Variants in BCAS3 observed in about 807,000 individuals in gnomAD.
BCAS3 encodes the protein BCAS4/BCAS3 fusion.
A neutral mutation model predicts 116.1 loss-of-function variants in BCAS3; 53 were observed. The observed-to-expected ratio is 0.46, with a 90% CI of 0.37 to 0.57. The LOEUF is 0.57. Ranked by LOEUF, BCAS3 falls within the 20% of genes least tolerant of loss-of-function variation. The pLI, the probability that BCAS3 is intolerant of heterozygous loss-of-function variation, is 0.00. For synonymous variants in BCAS3, 391 were observed against 408.2 expected (o/e 0.96, Z 0.51); for missense variants, 917 against 1,165.4 (o/e 0.79, Z 3.10).
rs573685382 is a variant in BCAS3 at position 61,177,734 on chromosome 17, A to C, written c.2425+93170A>C. ...AATTAAACTATCAAAATATATTCTCAAGGATGGAAGTTTATACCCTCATTC... is the reference window on the plus strand; with the variant it reads ...AATTAAACTATCAAAATATATTCTCCAGGATGGAAGTTTATACCCTCATTC... On this transcript the variant is annotated intron_variant, in intron 22 of 23. Transcript: ENST00000407086. 3.9e-5 allele frequency among the ~76,000 whole-genome samples: 6 copies of C among 152,296 alleles called. No individual in the cohort carries two copies. In the South Asian group the frequency reaches 1.2e-3, roughly 32 times the overall value.
chr17:60,936,374 A>C (rs1280856244), intron 13 of BCAS3, among the ~76,000 whole-genome samples: 1 of 152,018 alleles, frequency 6.6e-6, no homozygotes, highest in Non-Finnish European at 1.5e-5. Context: ...GTATATACCT[A>C]GTAATGGGAT....
chr17:60,678,768 A>C (rs1381095263), intron 1 of BCAS3, among the ~76,000 whole-genome samples: 1 of 152,214 alleles, frequency 6.6e-6, no homozygotes, highest in Non-Finnish European at 1.5e-5. Flanking sequence ...GTCTTGAAAT[A>C]TTGTACCATG....
chr17:60,920,414 A>G (rs532063678), intron 12 of BCAS3, among the ~76,000 whole-genome samples: 2 of 152,334 alleles, frequency 1.3e-5, no homozygotes, highest in African/African-American at 4.8e-5. Flanking sequence ...AAATAACCCC[A>G]TTAAAAATGG....
chr17:60,689,681 T>G lies in BCAS3; in HGVS notation c.139-5T>G. The G allele has an allele frequency of 6.3e-7, 1 of 1,582,868 alleles. No individual in the cohort carries two copies. Among genetic ancestry groups the G allele is most frequent in the Non-Finnish European group, 8.6e-7 (1 of 1,156,230 alleles). ...TTTATTCAAATGTTTCTGTTTACTA[T>G]GCAGGCTTACAGTGGAACACCTCTA... On this transcript the variant is annotated splice_polypyrimidine_tract_variant and splice_region_variant and intron_variant, in intron 3 of 23. Transcript: ENST00000407086.
In BCAS3 at chr17:61,391,763, G is replaced by T; in HGVS notation, c.2594-214G>T. 1.7e-6 allele frequency: 1 copy of T among 592,314 alleles called. No homozygotes were observed. The highest frequency in any genetic ancestry group is 2.0e-5 in the South Asian group (1 of 50,016). 36.7% of individuals were successfully genotyped at this position (592,314 alleles called of 1,614,324 possible). A position where few individuals can be genotyped will look rare whatever the true frequency, so the allele number is the denominator to read the frequency against. On this transcript the variant is annotated intron_variant, in intron 23 of 23. Transcript: ENST00000407086. The surrounding 1 kb of genome is among the most constrained non-coding windows in gnomAD (Gnocchi z 7.7). ...GCAGGGAGACGGTGCTCTCACACCA[G>T]AGTCTGCCAGCCAGGGGGCTTTCCC...
chr17:60,836,245 A>G (rs1054490760), intron 7 of BCAS3, among the ~76,000 whole-genome samples: 3 of 152,148 alleles, frequency 2.0e-5, no homozygotes, highest in African/African-American at 7.2e-5. Context: ...GGTGTTATAC[A>G]TTCTGTGGGG....
chr17:61,044,396 G>A (rs1331949980), intron 19 of BCAS3, among the ~76,000 whole-genome samples: 1 of 146,008 alleles, frequency 6.8e-6, no homozygotes, highest in South Asian at 2.1e-4. Flanking sequence ...ACAGTGAGCC[G>A]AGATTGCACC....
chr17:60,975,689 ACT>A (rs2062297544), intron 14 of BCAS3, among the ~76,000 whole-genome samples: 1 of 151,634 alleles, frequency 6.6e-6, no homozygotes, highest in South Asian at 2.1e-4. Flanking sequence ...TATCCAAGTC[ACT>A]CTCCATCCCC....
intron 7 of BCAS3, chr17:60,810,299 G>A (rs2048680754): frequency 6.7e-6 from 3 of 448,014 alleles, no homozygotes; most frequent in Admixed American, 2.7e-5. Flanking sequence ...TCTGGTTCCC[G>A]GATCTCCGTG....
chr17:60,715,691 T>C (rs541684723), intron 5 of BCAS3, among the ~76,000 whole-genome samples: 21 of 151,602 alleles, frequency 1.4e-4, no homozygotes, highest in African/African-American at 4.8e-4. Flanking sequence ...TTTCACCATA[T>C]TGGCCAGTCT....
chr17:61,008,672 G>A lies in BCAS3; in HGVS notation c.1487-7079G>A, dbSNP rs75731201. ...AGTCCAAAAGCTTTGCTCTTCTGTA[G>A]AAGACAAAAGTTTACCAAAAAATAA... On this transcript the variant is annotated intron_variant, in intron 15 of 23. Transcript: ENST00000407086. The surrounding 1 kb of genome is among the most constrained non-coding windows in gnomAD (Gnocchi z 4.6). Among the ~76,000 whole-genome samples the A allele has an allele frequency of 3.9e-3, 584 of 150,654 alleles. 3 individuals are homozygous for A. The highest frequency in any genetic ancestry group is 6.5e-3 in the Non-Finnish European group (438 of 67,670).
At chr17:60,966,615 C>A (rs1413020016) in intron 14 of BCAS3, among the ~76,000 whole-genome samples, 1 of 148,878 alleles carries the variant, frequency 6.7e-6, no homozygotes, top group African/African-American at 2.5e-5. Context: ...CAAAGGCAGG[C>A]ATAAAGAACA....
At chr17:60,944,681 C>T (rs1422819729) in intron 13 of BCAS3, among the ~76,000 whole-genome samples, 4 of 151,970 alleles carry the variant, frequency 2.6e-5, no homozygotes, top group Non-Finnish European at 2.9e-5. Flanking sequence ...TTTGACCAAA[C>T]GAGGCTTATC....
chr17:61,357,633 G>A (rs1296879321), intron 22 of BCAS3, among the ~76,000 whole-genome samples: 2 of 149,228 alleles, frequency 1.3e-5, no homozygotes, highest in African/African-American at 2.4e-5. Context: ...GAGTAGAGAC[G>A]GGGCTTCACC....
chr17:60,841,980 A>G (rs1387149046), intron 7 of BCAS3, among the ~76,000 whole-genome samples: 2 of 151,924 alleles, frequency 1.3e-5, no homozygotes, highest in African/African-American at 4.8e-5. Context: ...CTGGAAATGT[A>G]TTTTTCTGTC....
chr17:60,840,028 G>T (rs2051745647), intron 7 of BCAS3, among the ~76,000 whole-genome samples: 1 of 151,556 alleles, frequency 6.6e-6, no homozygotes, highest in Admixed American at 6.6e-5. Flanking sequence ...TTAAAGTGAT[G>T]TTCATTGTAT....
chr17:61,229,035 G>C lies in BCAS3; in HGVS notation c.2426-139292G>C, dbSNP rs1568617656. 6.6e-6 allele frequency among the ~76,000 whole-genome samples: 1 copy of C among 152,188 alleles called. No individual in the cohort carries two copies. The highest frequency in any genetic ancestry group is 1.5e-5 in the Non-Finnish European group (1 of 68,038). On this transcript the variant is annotated intron_variant, in intron 22 of 23. Coordinates refer to ENST00000407086, the MANE Select transcript of BCAS3 (RefSeq NM_017679.5). The surrounding 1 kb of genome is among the most constrained non-coding windows in gnomAD (Gnocchi z 4.4). ...GCACAGAAGAAAGTAAAACAGCCTT[G>C]CTTCTGAGATGGAGAAAGTTTTAGT...
Position 61,186,961 on chromosome 17 carries a change from C to G in BCAS3, c.2425+102397C>G, listed in dbSNP as rs538474562. Among the ~76,000 whole-genome samples the G allele has an allele frequency of 8.1e-4, 123 of 152,278 alleles. 1 individual carries two copies. The highest frequency in any genetic ancestry group is 2.8e-3 in the African/African-American group (116 of 41,558). Reference sequence around the variant, plus strand: ...TCCTGACCTCGTGATCCACCCACCTCGGCCTCCCAAAGTGCTGGGATTACA... The same window carrying G: ...TCCTGACCTCGTGATCCACCCACCTGGGCCTCCCAAAGTGCTGGGATTACA... On this transcript the variant is annotated intron_variant, in intron 22 of 23. Coordinates refer to ENST00000407086, the MANE Select transcript of BCAS3 (RefSeq NM_017679.5). The surrounding 1 kb of genome is among the most constrained non-coding windows in gnomAD (Gnocchi z 4.9).
chr17:61,310,862 A>G (rs2054252658), intron 22 of BCAS3, among the ~76,000 whole-genome samples: 1 of 152,164 alleles, frequency 6.6e-6, no homozygotes, highest in South Asian at 2.1e-4. Flanking sequence ...GGAGGCAGGT[A>G]GAATGCCGAT....
Sources: allele counts gnomAD v4.1 joint callset (sites outside exome capture counted in the v4.1 genomes callset), GRCh38; gene constraint gnomAD v4.1.1; non-coding constraint Gnocchi (gnomAD v3.1); transcripts MANE v1.5; gene names NCBI Gene and HGNC (gene_info 2026-07-23, HGNC 2026-07-21).